The following NRP1 variants were observed in gnomAD, a reference collection of about 807,000 sequenced individuals.
NRP1 encodes neuropilin 1.
In NRP1, 35 loss-of-function variants were observed where a neutral mutation model predicts 106.7. The observed-to-expected ratio is 0.33, with a 90% CI of 0.25 to 0.43. The LOEUF (loss-of-function observed/expected upper bound fraction) is 0.43. Among genes scored for constraint, NRP1 ranks in the 20% least tolerant of loss-of-function variants. NRP1 has a pLI of 1.00. For synonymous variants in NRP1, 437 were observed against 417.9 expected (o/e 1.05, Z -0.56); for missense variants, 1,024 against 1,170.4 (o/e 0.87, Z 1.83).
At chr10:33,223,002 T>C (rs1160329453) in intron 7 of NRP1, among the ~76,000 whole-genome samples, 1 of 152,200 alleles carries the variant, frequency 6.6e-6, no homozygotes, top group Non-Finnish European at 1.5e-5. Flanking sequence ...TCTGCCTCCC[T>C]TTCCTGGATT....
chr10:33,298,864 G>A (rs546557048), intron 2 of NRP1, among the ~76,000 whole-genome samples: 7 of 152,208 alleles, frequency 4.6e-5, no homozygotes, highest in African/African-American at 1.7e-4. Context: ...GCCTAGGCTA[G>A]AATGTTGTCA....
In NRP1 at chr10:33,224,725, C is replaced by G. The variant is rs55681146; in HGVS notation, c.1137+1409G>C. The stretch of plus-strand genomic sequence containing the variant: ...TGATGCTCTCCGTCCTCCCACATAC[C>G]CCGCTACCGACAAGTCCCAGTGTGT... On this transcript the variant is annotated intron_variant, in intron 7 of 16. Coordinates refer to ENST00000374867, the MANE Select transcript of NRP1 (RefSeq NM_003873.7). Among the ~76,000 whole-genome samples, 1,174 of 152,168 alleles carry G rather than the reference C, an allele frequency of 7.7e-3. 10 individuals are homozygous for G. Among genetic ancestry groups the G allele is most frequent in the Non-Finnish European group, 0.014 (941 of 68,014 alleles).
At chr10:33,203,176 G>A (rs2132708252) in intron 10 of NRP1, among the ~76,000 whole-genome samples, 181 bp from the exon 11 acceptor site, 1 of 152,366 alleles carries the variant, frequency 6.6e-6, no homozygotes, top group South Asian at 2.1e-4. Flanking sequence ...TATAATAGCA[G>A]AGGCTGCTTT....
intron 2 of NRP1, among the ~76,000 whole-genome samples, chr10:33,301,952 A>C (rs1418646108): frequency 6.6e-6 from 1 of 152,190 alleles, no homozygotes; most frequent in South Asian, 2.1e-4. Context: ...TGCAAAGGAT[A>C]ACAAGGTCTT....
intron 14 of NRP1, 47 bp downstream of exon 14, chr10:33,186,170 G>A (rs761981034): frequency 2.2e-5 from 33 of 1,531,850 alleles, no homozygotes; most frequent in South Asian, 2.5e-5. Context: ...TATCATCTCA[G>A]CATTCCTGCA....
intron 2 of NRP1, among the ~76,000 whole-genome samples, chr10:33,298,764 A>C (rs1453630021): frequency 6.6e-6 from 1 of 152,154 alleles, no homozygotes; most frequent in Non-Finnish European, 1.5e-5. Context: ...AGTATCTTGC[A>C]GTGTACTTGT....
At chr10:33,269,878 C>T (rs10763921) in intron 3 of NRP1, among the ~76,000 whole-genome samples, 31,737 of 152,156 alleles carry the variant, frequency 0.21, 3,626 homozygotes, top group East Asian at 0.47. Context: ...TATATGGGAC[C>T]GTCTGGTTGC....
At chr10:33,206,300 C>T (rs367619508) in intron 10 of NRP1, 1 of 518,994 alleles carries the variant, frequency 1.9e-6, no homozygotes, top group South Asian at 1.4e-5. Flanking sequence ...TTTTTCTTGG[C>T]ATCCTTTGCC....
At chr10:33,333,747 A>G (rs1011937979) in intron 1 of NRP1, among the ~76,000 whole-genome samples, 2 of 152,242 alleles carry the variant, frequency 1.3e-5, no homozygotes, top group Non-Finnish European at 2.9e-5. Flanking sequence ...CTGGTGCCTT[A>G]CACTGTATAT....
At chr10:33,192,136 T>G in intron 13 of NRP1, 145 bp downstream of exon 13, 1 of 832,882 alleles carries the variant, frequency 1.2e-6, no homozygotes, top group South Asian at 2.0e-5. Context: ...ACATTGTTAA[T>G]TCTAGAAAAT....
At chr10:33,308,228 G>A (rs1846308573) in intron 2 of NRP1, among the ~76,000 whole-genome samples, 1 of 151,956 alleles carries the variant, frequency 6.6e-6, no homozygotes. Context: ...AGGGTGGGAG[G>A]AGGGAAAGGA....
In NRP1 at chr10:33,263,694, T is replaced by TC. The variant is rs752379925; in HGVS notation, c.609dup (p.Met204AspfsTer16). 1 of 1,613,972 alleles carries TC rather than the reference T, an allele frequency of 6.2e-7. No homozygotes were observed. Among genetic ancestry groups the TC allele is most frequent in the Non-Finnish European group, 8.5e-7 (1 of 1,179,990 alleles). Reference sequence around the variant, plus strand: ...TCTAGCCGGTCGTAGCGACAGAACATCCCCCCTGGAGGATTTGAGTCAGGC... The same window carrying TC: ...TCTAGCCGGTCGTAGCGACAGAACATCCCCCCCTGGAGGATTTGAGTCAGGC... On this transcript the variant is annotated frameshift_variant, in exon 4 of 17. Transcript: ENST00000374867. LOFTEE classifies it high-confidence loss of function.
chr10:33,274,181 C>A (rs887695618), intron 2 of NRP1, among the ~76,000 whole-genome samples: 5 of 152,156 alleles, frequency 3.3e-5, no homozygotes, highest in African/African-American at 1.2e-4. Flanking sequence ...GCCACAGTTT[C>A]AACGTTAGGG....
chr10:33,283,335 T>A (rs539157056), intron 2 of NRP1, among the ~76,000 whole-genome samples: 21 of 152,234 alleles, frequency 1.4e-4, no homozygotes, highest in Admixed American at 1.0e-3. Context: ...CTTAGAGTAC[T>A]TGTCCGTTTT....
intron 2 of NRP1, among the ~76,000 whole-genome samples, chr10:33,304,990 T>A (rs560005770): frequency 3.7e-4 from 56 of 152,360 alleles, no homozygotes; most frequent in African/African-American, 1.3e-3. Flanking sequence ...GAAGAATGAC[T>A]TGCTGTAGAG....
chr10:33,274,274 T>C (rs551004757), intron 2 of NRP1, among the ~76,000 whole-genome samples: 1 of 152,306 alleles, frequency 6.6e-6, no homozygotes, highest in South Asian at 2.1e-4. Flanking sequence ...ATTGGCTCCA[T>C]TATTTCCCCA....
intron 7 of NRP1, among the ~76,000 whole-genome samples, chr10:33,223,855 C>T (rs1588767378): frequency 6.6e-6 from 1 of 152,276 alleles, no homozygotes; most frequent in East Asian, 1.9e-4. Context: ...GCAATGAGTC[C>T]TTGTCCGAGG....
intron 13 of NRP1, among the ~76,000 whole-genome samples, chr10:33,191,051 T>C (rs1356283882): frequency 6.6e-6 from 1 of 152,102 alleles, no homozygotes; most frequent in Non-Finnish European, 1.5e-5. Flanking sequence ...AGTGTCAGTA[T>C]CTTGCTATGT....
At position 33,274,089 on chromosome 10, in the gene NRP1, T is replaced by C. The variant is rs182468311; in HGVS notation, c.249-3233A>G. On this transcript the variant is annotated intron_variant, in intron 2 of 16. Coordinates refer to ENST00000374867, the MANE Select transcript of NRP1 (RefSeq NM_003873.7). ...AACCTTCCCCATTCTATAGTAACAGTGGTAAAGTGGGTAAACATTTATTGC... is the reference window on the plus strand; with the variant it reads ...AACCTTCCCCATTCTATAGTAACAGCGGTAAAGTGGGTAAACATTTATTGC... 2.2e-3 allele frequency among the ~76,000 whole-genome samples: 333 copies of C among 152,020 alleles called. 1 individual carries two copies. The highest frequency in any genetic ancestry group is 3.4e-3 in the Middle Eastern group (1 of 294).
Sources: gnomAD v4.1 joint callset for allele counts (sites outside exome capture counted in the v4.1 genomes callset) on GRCh38, gnomAD v4.1.1 for gene constraint, MANE v1.5 for transcripts, NCBI Gene and HGNC (gene_info 2026-07-23, HGNC 2026-07-21) for gene names.